Variants in MFHAS1 observed in about 807,000 individuals in gnomAD.
The protein encoded by MFHAS1 is malignant fibrous histiocytoma-amplified sequence 1.
In MFHAS1, 50 loss-of-function variants were observed where a neutral mutation model predicts 70.4. That is an observed-to-expected ratio of 0.71 (90% CI 0.57 to 0.90). The LOEUF is 0.90. Among genes scored for constraint, MFHAS1 ranks in the 40% least tolerant of loss-of-function variants. The pLI, the probability that MFHAS1 is intolerant of heterozygous loss-of-function variation, is 0.00. For missense variants in MFHAS1, 1,795 were observed against 1,347.6 expected (o/e 1.33, Z -5.20); for synonymous variants, 952 against 620.0 (o/e 1.54, Z -7.96).
In MFHAS1 at chr8:8,892,243, C is replaced by G; in HGVS notation, c.816G>C (p.Leu272=). 1 of 1,611,770 alleles carries G rather than the reference C, an allele frequency of 6.2e-7. No individual in the cohort carries two copies. The highest frequency in any genetic ancestry group is 8.5e-7 in the Non-Finnish European group (1 of 1,180,024). The change falls in exon 1 of 3, where the codon CTG becomes CTC. Residue 272 remains leucine, a synonymous_variant. Coordinates refer to ENST00000276282, the MANE Select transcript of MFHAS1 (RefSeq NM_004225.3). This position sits in a 1 kb window ranked among gnomAD's most constrained non-coding sequence, Gnocchi z 4.7. ...AGAGGTTGAGCATTTTGAGCCGCTG[C>G]AGGCAGCTGAACTGGGCGGGCAGAG... is the stretch of plus-strand genomic sequence containing the variant. ...LQALPAQFSC[L]QRLKMLNLSS...
intron 1 of MFHAS1, among the ~76,000 whole-genome samples, chr8:8,888,096 A>G (rs2116943665): frequency 6.6e-6 from 1 of 152,332 alleles, no homozygotes; most frequent in East Asian, 1.9e-4. Context: ...GCTTCCATGA[A>G]TAACACACAA....
At chr8:8,835,731 C>T (rs73504233) in intron 1 of MFHAS1, among the ~76,000 whole-genome samples, 2 of 152,150 alleles carry the variant, frequency 1.3e-5, no homozygotes, top group Admixed American at 1.3e-4. Context: ...GTATTTGGGA[C>T]ACCCATTATA....
chr8:8,800,470 G>A (rs151231411), intron 1 of MFHAS1, among the ~76,000 whole-genome samples: 85 of 152,314 alleles, frequency 5.6e-4, no homozygotes, highest in African/African-American at 2.0e-3. Context: ...ACATCAACTA[G>A]TAAGTCAGAA....
At chr8:8,856,369 G>C (rs961638540) in intron 1 of MFHAS1, among the ~76,000 whole-genome samples, 1 of 152,194 alleles carries the variant, frequency 6.6e-6, no homozygotes, top group African/African-American at 2.4e-5. Context: ...TTGCCCAGAA[G>C]ATACTTCCCC....
chr8:8,892,747 C>T lies in MFHAS1; in HGVS notation c.312G>A (p.Pro104=), dbSNP rs1479300692. ...LRRNRFARLP[P]AVAELGHHLT... ...GGTGGTGGCCGAGCTCGGCCACCGC[C>T]GGGGGCAGCCGGGCGAAGCGGTTCC... Residue 104 remains proline, a synonymous_variant, in exon 1 of 3, where the codon CCG becomes CCA. Coordinates refer to ENST00000276282, the MANE Select transcript of MFHAS1 (RefSeq NM_004225.3). This position sits in a 1 kb window ranked among gnomAD's most constrained non-coding sequence, Gnocchi z 4.7. 1 of 1,573,798 alleles carries T rather than the reference C, an allele frequency of 6.4e-7. No homozygotes were observed. Among genetic ancestry groups the T allele is most frequent in the Non-Finnish European group, 8.6e-7 (1 of 1,162,326 alleles).
intron 1 of MFHAS1, among the ~76,000 whole-genome samples, chr8:8,820,719 C>G (rs1464178453): frequency 6.6e-6 from 1 of 152,192 alleles, no homozygotes; most frequent in Non-Finnish European, 1.5e-5. Context: ...GAGATTATCT[C>G]TAGTCAGGAT....
chr8:8,838,367 T>G (rs1350274637), intron 1 of MFHAS1, among the ~76,000 whole-genome samples: 1 of 152,186 alleles, frequency 6.6e-6, no homozygotes, highest in Non-Finnish European at 1.5e-5. Flanking sequence ...CCCAAATGTA[T>G]AGTTAAAATG....
At chr8:8,817,007 C>T (rs140792140) in intron 1 of MFHAS1, among the ~76,000 whole-genome samples, 122 of 152,268 alleles carry the variant, frequency 8.0e-4, no homozygotes, top group South Asian at 2.7e-3. Flanking sequence ...AAGTGAGACA[C>T]GAGCTTTAGT....
intron 1 of MFHAS1, 123 bp downstream of exon 1, chr8:8,889,938 C>A: frequency 1.3e-6 from 1 of 791,198 alleles, no homozygotes. Context: ...CTGTGTTTCC[C>A]TTACGAAGCT....
chr8:8,805,545 G>A (rs913157817), intron 1 of MFHAS1, among the ~76,000 whole-genome samples: 1 of 152,154 alleles, frequency 6.6e-6, no homozygotes. Flanking sequence ...GGAGGAGGGG[G>A]AAGAGGAGGG....
chr8:8,868,996 TATTTCA>T (rs1377708938), intron 1 of MFHAS1, among the ~76,000 whole-genome samples: 1 of 152,224 alleles, frequency 6.6e-6, no homozygotes, highest in Non-Finnish European at 1.5e-5. Context: ...CCTAACCATT[TATTTCA>T]ATTTCCTTTA....
At chr8:8,870,171 C>A (rs1338288830) in intron 1 of MFHAS1, among the ~76,000 whole-genome samples, 3 of 151,774 alleles carry the variant, frequency 2.0e-5, no homozygotes, top group African/African-American at 7.3e-5. Context: ...GTTATTTACA[C>A]GGGATATGTA....
At chr8:8,790,476 G>A (rs1408884002) in intron 2 of MFHAS1, 8 of 598,436 alleles carry the variant, frequency 1.3e-5, no homozygotes, top group South Asian at 7.3e-5. Context: ...TGTGGCTGAC[G>A]GGAGACTAAA....
intron 1 of MFHAS1, among the ~76,000 whole-genome samples, chr8:8,827,829 T>G (rs552304156): frequency 6.6e-6 from 1 of 152,266 alleles, no homozygotes; most frequent in Non-Finnish European, 1.5e-5. Context: ...AAGATATATT[T>G]AAAATTTACT....
intron 1 of MFHAS1, among the ~76,000 whole-genome samples, chr8:8,831,888 A>G (rs1026602724): frequency 2.6e-5 from 4 of 152,186 alleles, no homozygotes; most frequent in East Asian, 3.8e-4. Flanking sequence ...CTGGGATTAC[A>G]GGTGTGAGCT....
intron 1 of MFHAS1, among the ~76,000 whole-genome samples, chr8:8,824,857 G>A (rs2117310901): frequency 6.6e-6 from 1 of 152,336 alleles, no homozygotes; most frequent in South Asian, 2.1e-4. Context: ...AAGGAGGTGT[G>A]CACAGCGATC....
intron 1 of MFHAS1, among the ~76,000 whole-genome samples, chr8:8,837,886 C>G (rs750537461): frequency 1.3e-5 from 2 of 152,070 alleles, no homozygotes; most frequent in African/African-American, 2.4e-5. Flanking sequence ...GTAAAATCAG[C>G]GAAATGATTT....
chr8:8,879,589 G>A (rs1200736110), intron 1 of MFHAS1, among the ~76,000 whole-genome samples: 1 of 152,116 alleles, frequency 6.6e-6, no homozygotes, highest in Non-Finnish European at 1.5e-5. Context: ...CAAAGCTGTG[G>A]CCTGCTTTGC....
At chr8:8,799,556 G>C (rs112791216) in intron 1 of MFHAS1, among the ~76,000 whole-genome samples, 4,492 of 152,266 alleles carry the variant, frequency 0.03, 125 homozygotes, top group South Asian at 0.12. Flanking sequence ...AGGAGTTCAA[G>C]ATCAGCCTGG....
Sources: gnomAD v4.1 joint callset for allele counts (sites outside exome capture counted in the v4.1 genomes callset) on GRCh38, gnomAD v4.1.1 for gene constraint, Gnocchi (gnomAD v3.1) non-coding constraint, MANE v1.5 for transcripts, NCBI Gene and HGNC (gene_info 2026-07-23, HGNC 2026-07-21) for gene names.